SYT10: variants seen among roughly 807,000 people sequenced by gnomAD.
SYT10 encodes the protein synaptotagmin 10, also known as synaptotagmin-10.
In SYT10, 31 loss-of-function variants were observed where a neutral mutation model predicts 51.1. That is an observed-to-expected ratio of 0.61 (90% CI 0.46 to 0.82). The LOEUF is 0.82. Ranked by LOEUF, SYT10 falls within the 40% of genes least tolerant of loss-of-function variation. The probability of loss-of-function intolerance (pLI) is 0.00; values close to 1 mark genes in which losing one functional copy is unlikely to be tolerated. For missense variants in SYT10, 603 were observed against 634.0 expected (o/e 0.95, Z 0.53); for synonymous variants, 233 against 225.9 (o/e 1.03, Z -0.28).
chr12:33,427,256 G>A (rs577542094), intron 1 of SYT10, among the ~76,000 whole-genome samples: 1 of 152,034 alleles, frequency 6.6e-6, no homozygotes, highest in Non-Finnish European at 1.5e-5. Flanking sequence ...GGCCAAGGGT[G>A]CTCTTTCGCC....
chr12:33,430,582 G>A (rs1259304833), intron 1 of SYT10, among the ~76,000 whole-genome samples: 1 of 151,956 alleles, frequency 6.6e-6, no homozygotes, highest in Non-Finnish European at 1.5e-5. Flanking sequence ...TCTCCTCTGT[G>A]TCTATCTGTA....
chr12:33,424,118 T>C (rs1866529209), intron 2 of SYT10: 1 of 373,820 alleles, frequency 2.7e-6, no homozygotes, highest in Admixed American at 3.7e-5. Flanking sequence ...ATCAGATATA[T>C]ACAATCTAAC....
At chr12:33,427,511 G>C (rs1412789760) in intron 1 of SYT10, among the ~76,000 whole-genome samples, 2 of 152,278 alleles carry the variant, frequency 1.3e-5, no homozygotes. Flanking sequence ...GTAGCTCCTT[G>C]CATCCAGAGA....
At chr12:33,385,094 G>C in intron 4 of SYT10, 77 bp downstream of exon 4, 1 of 1,526,898 alleles carries the variant, frequency 6.5e-7, no homozygotes, top group Non-Finnish European at 8.9e-7. Context: ...TAATTCAGTA[G>C]TCATGTATCA....
At chr12:33,398,018 C>T (rs1031012132) in intron 3 of SYT10, among the ~76,000 whole-genome samples, 2 of 151,828 alleles carry the variant, frequency 1.3e-5, no homozygotes, top group Non-Finnish European at 2.9e-5. Flanking sequence ...TAGGTAGAGT[C>T]AGAAATCGGA....
chr12:33,439,619 G>T lies in SYT10; in HGVS notation c.-97C>A, dbSNP rs1866668233. 1.4e-6 allele frequency: 2 copies of T among 1,426,708 alleles called. No individual in the cohort carries two copies. The highest frequency in any genetic ancestry group is 1.4e-5 in the African/African-American group (1 of 69,678). 88.4% of individuals were successfully genotyped at this position (1,426,708 alleles called of 1,614,324 possible). A position where few individuals can be genotyped will look rare whatever the true frequency, so the allele number is the denominator to read the frequency against. On this transcript the variant is annotated 5_prime_UTR_variant, in exon 1 of 7. Transcript: ENST00000228567. ...CCTCTGGCGCCCTAAGCCATAGTCCGCCCGCGGTGACTTTGGCTGGAGATT... is the reference window on the plus strand; with the variant it reads ...CCTCTGGCGCCCTAAGCCATAGTCCTCCCGCGGTGACTTTGGCTGGAGATT...
intron 1 of SYT10, among the ~76,000 whole-genome samples, chr12:33,427,346 T>G (rs1266435663): frequency 1.3e-5 from 2 of 152,134 alleles, no homozygotes; most frequent in African/African-American, 4.8e-5. Flanking sequence ...ACAGGCATTC[T>G]CCATAGAACT....
intron 3 of SYT10, chr12:33,405,331 C>T (rs913971667): frequency 1.4e-4 from 21 of 151,908 alleles, no homozygotes; most frequent in African/African-American, 4.8e-4. Context: ...ATGTTTTCCC[C>T]GTGGGAATAT....
chr12:33,426,447 G>C lies in SYT10; in HGVS notation c.200C>G (p.Ala67Gly), dbSNP rs750231398. 11 of 1,610,092 alleles carry C rather than the reference G, an allele frequency of 6.8e-6. No individual in the cohort carries two copies. The highest frequency in any genetic ancestry group is 9.3e-6 in the Non-Finnish European group (11 of 1,178,958). Residue 67 changes from alanine (A) to glycine (G), a missense_variant, in exon 2 of 7, where the codon GCC becomes GGC. Coordinates refer to ENST00000228567, the MANE Select transcript of SYT10 (RefSeq NM_198992.4). ...GACAAAAAGTGAGACAACCAACAAG[G>C]CCAGTCCACAAAAGCTGACAACGAC... ...LAVVVSFCGL[A>G]LLVVSLFVFW...
At chr12:33,405,999 A>C (rs1866349922) in intron 3 of SYT10, 2 of 152,050 alleles carry the variant, frequency 1.3e-5, no homozygotes, top group South Asian at 4.1e-4. Flanking sequence ...ATATAGAATG[A>C]AAGAAAATTG....
chr12:33,426,436 C>T lies in SYT10; in HGVS notation c.211G>A (p.Val71Ile). ...AGCTTCCAGAAGACAAAAAGTGAGA[C>T]AACCAACAAGGCCAGTCCACAAAAG... is the stretch of plus-strand genomic sequence containing the variant. ...VSFCGLALLV[V>I]SLFVFWKLCW... Residue 71 changes from valine (V) to isoleucine (I), a missense_variant, in exon 2 of 7, where the codon GTC (valine) becomes ATC (isoleucine). Transcript: ENST00000228567. 6.2e-7 allele frequency: 1 copy of T among 1,613,486 alleles called. No individual in the cohort carries two copies. The highest frequency in any genetic ancestry group is 8.5e-7 in the Non-Finnish European group (1 of 1,179,804).
intron 3 of SYT10, among the ~76,000 whole-genome samples, chr12:33,403,805 T>C (rs1305825323): frequency 6.6e-6 from 1 of 152,130 alleles, no homozygotes; most frequent in East Asian, 1.9e-4. Flanking sequence ...TTTTTATTTT[T>C]ACTAATAAGA....
chr12:33,431,049 GGTTT>G (rs542094181), intron 1 of SYT10, among the ~76,000 whole-genome samples: 26 of 152,028 alleles, frequency 1.7e-4, no homozygotes, highest in African/African-American at 4.1e-4. Context: ...CTGGAATTCT[GGTTT>G]GTTTTACATT....
intron 3 of SYT10, among the ~76,000 whole-genome samples, chr12:33,398,224 T>G (rs1157848211): frequency 1.3e-5 from 2 of 151,814 alleles, no homozygotes; most frequent in African/African-American, 4.8e-5. Context: ...AAAGAAGCAA[T>G]AGTATCAGGC....
Position 33,380,900 on chromosome 12 carries a change from A to G in SYT10, c.1371-939T>C, listed in dbSNP as rs12309637. On this transcript the variant is annotated intron_variant, in intron 5 of 6. Transcript: ENST00000228567. ...ATACTTTTGAGATGATTTTAGAACA[A>G]TTTCATTACTTTTTTTTCCATCATT... is the stretch of plus-strand genomic sequence containing the variant. Among the ~76,000 whole-genome samples, 1,311 of 152,244 alleles carry G rather than the reference A, an allele frequency of 8.6e-3. 19 individuals carry two copies. Among genetic ancestry groups the G allele is most frequent in the African/African-American group, 0.03 (1,234 of 41,554 alleles).
chr12:33,426,804 C>G lies in SYT10; in HGVS notation c.152-309G>C, dbSNP rs139025403. ...CAAACAAGGATTGAAAAACTGCAAC[C>G]TGCCATGAAGCCATGAGGCAAGAAA... is the stretch of plus-strand genomic sequence containing the variant. On this transcript the variant is annotated intron_variant, in intron 1 of 6. Coordinates refer to ENST00000228567, the MANE Select transcript of SYT10 (RefSeq NM_198992.4). Among the ~76,000 whole-genome samples, 303 of 152,232 alleles carry G rather than the reference C, an allele frequency of 2.0e-3. 1 individual carries two copies. The highest frequency in any genetic ancestry group is 6.8e-3 in the African/African-American group (283 of 41,558).
intron 2 of SYT10, among the ~76,000 whole-genome samples, chr12:33,425,641 T>A (rs1170666905): frequency 6.6e-6 from 1 of 152,196 alleles, no homozygotes; most frequent in African/African-American, 2.4e-5. Context: ...GTTTTTGGTA[T>A]ATGTGTTAAA....
chr12:33,426,762 A>G (rs1210282369), intron 1 of SYT10, among the ~76,000 whole-genome samples: 2 of 152,174 alleles, frequency 1.3e-5, no homozygotes, highest in African/African-American at 4.8e-5. Context: ...GTACACTATG[A>G]TGGGTTCAAG....
intron 5 of SYT10, 104 bp from the exon 6 acceptor site, chr12:33,380,065 C>T (rs1302312680): frequency 2.3e-6 from 3 of 1,313,970 alleles, no homozygotes; most frequent in East Asian, 2.5e-5. Context: ...ACATTAGATT[C>T]TGTAATTTTG....
Sources: allele counts gnomAD v4.1 joint callset (sites outside exome capture counted in the v4.1 genomes callset), GRCh38; gene constraint gnomAD v4.1.1; transcripts MANE v1.5; gene names NCBI Gene and HGNC (gene_info 2026-07-23, HGNC 2026-07-21).